Variants in PTPN13 observed in about 807,000 individuals in gnomAD.
PTPN13 encodes tyrosine-protein phosphatase non-receptor type 13.
PTPN13 carries 191 observed loss-of-function variants against 284.0 expected under a neutral mutation model. The observed-to-expected ratio is 0.67, with a 90% CI of 0.60 to 0.76. PTPN13 has a LOEUF of 0.76. PTPN13 is among the 30% of genes least tolerant of loss of function. The probability of loss-of-function intolerance (pLI) is 0.00; values close to 1 mark genes in which losing one functional copy is unlikely to be tolerated. For synonymous variants in PTPN13, 986 were observed against 1,022.3 expected (o/e 0.96, Z 0.68); for missense variants, 2,797 against 2,939.9 (o/e 0.95, Z 1.12).
At chr4:86,630,483 C>T (rs1042816546) in intron 1 of PTPN13, among the ~76,000 whole-genome samples, 1 of 152,096 alleles carries the variant, frequency 6.6e-6, no homozygotes, top group African/African-American at 2.4e-5. Flanking sequence ...TATATATGTA[C>T]AGATTCTTTA....
At chr4:86,698,397 A>G (rs1337544705) in intron 6 of PTPN13, among the ~76,000 whole-genome samples, 11 of 152,222 alleles carry the variant, frequency 7.2e-5, no homozygotes, top group Admixed American at 7.2e-4. Flanking sequence ...TAGAAGTTTC[A>G]TTACATATGA....
At chr4:86,631,186 A>G (rs1722429555) in intron 1 of PTPN13, among the ~76,000 whole-genome samples, 1 of 152,162 alleles carries the variant, frequency 6.6e-6, no homozygotes, top group Non-Finnish European at 1.5e-5. Flanking sequence ...TACTGTGTCT[A>G]AAGGAAACAA....
At chr4:86,635,931 C>A (rs1231155573) in intron 2 of PTPN13, among the ~76,000 whole-genome samples, 1 of 152,068 alleles carries the variant, frequency 6.6e-6, no homozygotes, top group African/African-American at 2.4e-5. Context: ...CCACTGCACT[C>A]CAGCCTGGGT....
At chr4:86,724,074 T>C (rs1024989177) in intron 10 of PTPN13, among the ~76,000 whole-genome samples, 2 of 152,220 alleles carry the variant, frequency 1.3e-5, no homozygotes, top group African/African-American at 2.4e-5. Flanking sequence ...GATGCTGTTA[T>C]ATGACTTTAT....
intron 47 of PTPN13, among the ~76,000 whole-genome samples, chr4:86,812,726 G>C (rs1248147209): frequency 1.3e-5 from 2 of 152,064 alleles, no homozygotes; most frequent in Non-Finnish European, 2.9e-5. Flanking sequence ...GGCAGGGCAC[G>C]AGAGAAGGAA....
intron 17 of PTPN13, among the ~76,000 whole-genome samples, chr4:86,745,585 G>C (rs932869127): frequency 3.9e-5 from 6 of 152,032 alleles, no homozygotes; most frequent in Admixed American, 1.3e-4. Flanking sequence ...GAACAGCCTG[G>C]CAAACATGGT....
At chr4:86,779,039 G>A (rs574811993) in intron 35 of PTPN13, among the ~76,000 whole-genome samples, 36 of 147,346 alleles carry the variant, frequency 2.4e-4, no homozygotes, top group South Asian at 2.2e-4. Context: ...GCCTTCTTTT[G>A]GACAAACCTT....
At chr4:86,645,918 C>G (rs1175776180) in intron 2 of PTPN13, among the ~76,000 whole-genome samples, 1 of 152,062 alleles carries the variant, frequency 6.6e-6, no homozygotes, top group Non-Finnish European at 1.5e-5. Flanking sequence ...CTCTCACTAC[C>G]TGATCTCAAG....
At chr4:86,745,879 G>A (rs1353741378) in intron 17 of PTPN13, among the ~76,000 whole-genome samples, 1 of 152,150 alleles carries the variant, frequency 6.6e-6, no homozygotes, top group Non-Finnish European at 1.5e-5. Flanking sequence ...TGGACAGGTG[G>A]CACTTGAATT....
At position 86,693,645 on chromosome 4, in the gene PTPN13, A is replaced by G. The variant is rs182395720; in HGVS notation, c.605A>G (p.Asp202Gly). 1.2e-5 allele frequency: 19 copies of G among 1,555,562 alleles called. 1 individual carries two copies. In the East Asian group the frequency reaches 4.5e-4, roughly 37 times the overall value. The change falls in exon 6 of 48, where the codon GAT becomes GGT. Residue 202 changes from aspartate (D) to glycine (G), a missense_variant. Coordinates refer to ENST00000411767, the MANE Select transcript of PTPN13 (RefSeq NM_080683.3). Reference sequence around the variant, plus strand: ...CCTGATCGAAGCCAGGCTATTCGAGATCGATTGCGAGGAAAAGGATTACCA... The same window carrying G: ...CCTGATCGAAGCCAGGCTATTCGAGGTCGATTGCGAGGAAAAGGATTACCA... ...QKPDRSQAIR[D>G]RLRGKGLPTG...
rs9993838 is a variant in PTPN13 at position 86,782,277 on chromosome 4, A to C, written c.6024+15A>C. 158,770 of 1,582,248 alleles carry C rather than the reference A, an allele frequency of 0.1. 8,905 individuals are homozygous for C. The highest frequency in any genetic ancestry group is 0.11 in the Non-Finnish European group (131,999 of 1,151,330). On this transcript the variant is annotated intron_variant, in intron 37 of 47. Coordinates refer to ENST00000411767, the MANE Select transcript of PTPN13 (RefSeq NM_080683.3). Reference sequence around the variant, plus strand: ...CATTCTCCACGGTAAGAAAAAGCCCACCCTCTTTCATGTCATACCTCCTTA... The same window carrying C: ...CATTCTCCACGGTAAGAAAAAGCCCCCCCTCTTTCATGTCATACCTCCTTA...
intron 1 of PTPN13, among the ~76,000 whole-genome samples, chr4:86,604,613 C>T (rs564851053): frequency 2.0e-5 from 3 of 151,672 alleles, no homozygotes; most frequent in South Asian, 4.2e-4. Context: ...TAGGTAAATC[C>T]GCCATGTCCC....
chr4:86,763,776 G>A (rs1028540055), intron 24 of PTPN13, among the ~76,000 whole-genome samples: 3 of 152,048 alleles, frequency 2.0e-5, no homozygotes, highest in African/African-American at 7.2e-5. Context: ...TCCAGGCAAG[G>A]TGGCATGTAT....
At chr4:86,652,487 C>A (rs953269599) in intron 2 of PTPN13, among the ~76,000 whole-genome samples, 1 of 152,070 alleles carries the variant, frequency 6.6e-6, no homozygotes, top group African/African-American at 2.4e-5. Flanking sequence ...CTGGGGAAGT[C>A]TTTATCTCTC....
intron 7 of PTPN13, among the ~76,000 whole-genome samples, chr4:86,705,963 AC>A (rs1731722627): frequency 6.6e-6 from 1 of 152,226 alleles, no homozygotes; most frequent in Admixed American, 6.5e-5. Context: ...TTCTCCTCCA[AC>A]CTCTGATAAT....
At chr4:86,679,032 G>A (rs1314065115) in intron 3 of PTPN13, among the ~76,000 whole-genome samples, 1 of 152,148 alleles carries the variant, frequency 6.6e-6, no homozygotes, top group Admixed American at 6.5e-5. Context: ...CTTGACTCCT[G>A]AGGATGGCCT....
At chr4:86,600,362 G>C (rs1287609065) in intron 1 of PTPN13, among the ~76,000 whole-genome samples, 1 of 148,370 alleles carries the variant, frequency 6.7e-6, no homozygotes, top group East Asian at 2.0e-4. Flanking sequence ...GAGTAGAGTA[G>C]GAACAATAAT....
chr4:86,740,643 C>T lies in PTPN13; in HGVS notation c.2305-991C>T, dbSNP rs547888274. On this transcript the variant is annotated intron_variant, in intron 15 of 47. Coordinates refer to ENST00000411767, the MANE Select transcript of PTPN13 (RefSeq NM_080683.3). ...TTGTCTTGGTGATTAACATTTGGCT[C>T]CTTGTTACTTATGTAAATTTCTGCA... Among the ~76,000 whole-genome samples, 8 of 152,260 alleles carry T rather than the reference C, an allele frequency of 5.3e-5. No homozygotes were observed. The East Asian group carries it at 1.5e-3, about 29-fold the overall frequency.
chr4:86,656,923 G>T (rs1725891151), intron 2 of PTPN13, among the ~76,000 whole-genome samples: 1 of 152,232 alleles, frequency 6.6e-6, no homozygotes, highest in Non-Finnish European at 1.5e-5. Context: ...CCTCAGCAAT[G>T]GCAGGCGCCC....
Sources: allele counts gnomAD v4.1 joint callset (sites outside exome capture counted in the v4.1 genomes callset), GRCh38; gene constraint gnomAD v4.1.1; transcripts MANE v1.5; gene names NCBI Gene and HGNC (gene_info 2026-07-23, HGNC 2026-07-21).